Variants in F5 observed in about 807,000 individuals in gnomAD.
F5 encodes activated protein c cofactor.
F5 carries 138 observed loss-of-function variants against 216.4 expected under a neutral mutation model. The ratio of observed to expected loss-of-function variants is 0.64; its 90% confidence interval spans 0.56 to 0.73. F5 has a LOEUF of 0.73. Among genes scored for constraint, F5 ranks in the 30% least tolerant of loss-of-function variants. The probability of loss-of-function intolerance (pLI) is 0.00; values close to 1 mark genes in which losing one functional copy is unlikely to be tolerated. For missense variants in F5, 2,403 were observed against 2,674.0 expected, an observed-to-expected ratio of 0.90 and a Z score of 2.24; for synonymous variants, 916 against 930.7, an observed-to-expected ratio of 0.98 and a Z score of 0.29.
In F5 at chr1:169,529,813, T is replaced by A; in HGVS notation, c.5214A>T (p.Lys1738Asn). ...GACCTATCAAGCCTGAGTGAATATC[T>A]TTTTCCTGGAAAAACAGAGTAAATT... is the stretch of plus-strand genomic sequence containing the variant. Reference protein sequence around the residue: ...WAYYSAVNPEKDIHSGLIGPL... With the variant: ...WAYYSAVNPENDIHSGLIGPL... Residue 1738 changes from lysine to asparagine, a missense_variant, in exon 16 of 25, where the codon AAA (lysine) becomes AAT (asparagine). Transcript: ENST00000367797. 6.2e-7 allele frequency: 1 copy of A among 1,612,634 alleles called. No homozygotes were observed. Among genetic ancestry groups the A allele is most frequent in the South Asian group, 1.1e-5 (1 of 91,040 alleles).
At chr1:169,538,358 A>G (rs1249269227) in intron 13 of F5, among the ~76,000 whole-genome samples, 8 of 152,202 alleles carry the variant, frequency 5.3e-5, no homozygotes, top group Admixed American at 6.5e-5. Context: ...AAAATGGTCA[A>G]AAGATAAAAT....
At chr1:169,518,594 C>T (rs1659216068) in intron 22 of F5, 31 bp from the exon 23 acceptor site, 1 of 1,611,890 alleles carries the variant, frequency 6.2e-7, no homozygotes, top group African/African-American at 1.3e-5. Context: ...TGATTAATTA[C>T]ACACCAATAT....
rs369516642 is a variant in F5, at chr1:169,530,817, C to G, written c.5177G>C (p.Arg1726Pro). Residue 1726 changes from arginine (R) to proline (P), a missense_variant, in exon 15 of 25, where the codon CGG becomes CCG. By Grantham distance (103) the Arg-to-Pro change is moderately radical (BLOSUM62 -2). Coordinates refer to ENST00000367797, the MANE Select transcript of F5 (RefSeq NM_000130.5). ...CACAGCTGAGTAGTAGGCCCAAGCCCGACAGGCAGAGCCAGGACTTTCTGG... is the reference window on the plus strand; with the variant it reads ...CACAGCTGAGTAGTAGGCCCAAGCCGGACAGGCAGAGCCAGGACTTTCTGG... ...SGPESPGSACRAWAYYSAVNP... is the reference protein window; with the variant it reads ...SGPESPGSACPAWAYYSAVNP... 2 of 1,613,858 alleles carry G rather than the reference C, an allele frequency of 1.2e-6. No individual in the cohort carries two copies. The highest frequency in any genetic ancestry group is 1.7e-6 in the Non-Finnish European group (2 of 1,179,796).
chr1:169,570,795 C>T (rs1660704457), intron 3 of F5, among the ~76,000 whole-genome samples: 1 of 152,058 alleles, frequency 6.6e-6, no homozygotes, highest in African/African-American at 2.4e-5. Flanking sequence ...ACTATCATGG[C>T]TAATATTTAT....
intron 3 of F5, among the ~76,000 whole-genome samples, chr1:169,567,281 C>T (rs1660624672): frequency 6.6e-6 from 1 of 151,874 alleles, no homozygotes; most frequent in Admixed American, 6.6e-5. Context: ...ATACCTAATG[C>T]TAGATGACGA....
chr1:169,535,402 T>A (rs1201816645), intron 14 of F5, among the ~76,000 whole-genome samples: 1 of 152,216 alleles, frequency 6.6e-6, no homozygotes, highest in Admixed American at 6.5e-5. Flanking sequence ...TTAAAAAACT[T>A]CAGTTGCTTT....
intron 23 of F5, 152 bp from the exon 24 acceptor site, chr1:169,515,778 T>C (rs1198812796): frequency 4.3e-6 from 3 of 690,948 alleles, no homozygotes; most frequent in African/African-American, 3.6e-5. Flanking sequence ...TTTCCCTCTT[T>C]CTTCTTCATT....
rs1252220219 is a variant in F5 at position 169,555,264 on chromosome 1, G to T, written c.1036C>A (p.His346Asn). Residue 346 changes from histidine (H) to asparagine (N), a missense_variant, in exon 7 of 25, where the codon CAC becomes AAC. This residue lies in a region of F5 where 1,425 missense variants were observed against 1,554.8 expected (regional missense o/e 0.92). Coordinates refer to ENST00000367797, the MANE Select transcript of F5 (RefSeq NM_000130.5). Reference protein sequence around the residue: ...LKKITREQRRHMKRWEYFIAA... With the variant: ...LKKITREQRRNMKRWEYFIAA... ...ATGAAGTATTCCCACCTCTTCATGT[G>T]CCGCCTCTGCTCACGAGTTATTTTC... is the stretch of plus-strand genomic sequence containing the variant. 4 of 1,614,014 alleles carry T rather than the reference G, an allele frequency of 2.5e-6. No individual in the cohort carries two copies. In the South Asian group the frequency reaches 4.4e-5, roughly 18 times the overall value.
rs539022753 is a variant in F5, at chr1:169,562,868, T to C, written c.374-2102A>G. 3.9e-5 allele frequency among the ~76,000 whole-genome samples: 6 copies of C among 152,114 alleles called. No individual in the cohort carries two copies. The East Asian group carries it at 1.2e-3, about 29-fold the overall frequency. On this transcript the variant is annotated intron_variant, in intron 3 of 24. Coordinates refer to ENST00000367797, the MANE Select transcript of F5 (RefSeq NM_000130.5). ...ATAATCAATTGCCTTTTTAATAGAT[T>C]AAAACGAGGAAAAAATTTCTCTATA...
chr1:169,578,703 C>A (rs973860992), intron 2 of F5, among the ~76,000 whole-genome samples: 1 of 152,152 alleles, frequency 6.6e-6, no homozygotes, highest in African/African-American at 2.4e-5. Flanking sequence ...GGAGCTGGAG[C>A]TATGAAAATG....
Position 169,564,169 on chromosome 1 carries a change from C to T in F5, c.374-3403G>A, listed in dbSNP as rs141129349. Among the ~76,000 whole-genome samples the T allele has an allele frequency of 3.8e-3, 581 of 152,134 alleles. 5 individuals carry two copies. The highest frequency in any genetic ancestry group is 0.024 in the Middle Eastern group (7 of 294). On this transcript the variant is annotated intron_variant, in intron 3 of 24. Transcript: ENST00000367797. ...TGATGGTAGGAACATAAACGATTAC[C>T]GGCCCTGAGTAAGGTCCAGGGACTG...
At chr1:169,554,810 A>G (rs1242707643) in intron 7 of F5, among the ~76,000 whole-genome samples, 1 of 152,230 alleles carries the variant, frequency 6.6e-6, no homozygotes, top group Non-Finnish European at 1.5e-5. Context: ...GTAACTTTTC[A>G]AGGGTTTAAG....
At chr1:169,529,465 G>A in intron 16 of F5, 143 bp downstream of exon 16, 1 of 750,592 alleles carries the variant, frequency 1.3e-6, no homozygotes, top group Non-Finnish European at 2.3e-6. Context: ...CAGCCCTCTG[G>A]AATGTTAAGG....
intron 2 of F5, among the ~76,000 whole-genome samples, chr1:169,577,560 A>AATATATATATATATATATAT (rs3035292): frequency 1.1e-3 from 62 of 54,446 alleles, no homozygotes; most frequent in Non-Finnish European, 1.6e-3. Flanking sequence ...GGCTAATTTA[A>AATATATATATATATATATAT]ATATATATAT....
At chr1:169,538,306 A>G (rs960798221) in intron 13 of F5, among the ~76,000 whole-genome samples, 2 of 152,210 alleles carry the variant, frequency 1.3e-5, no homozygotes, top group Non-Finnish European at 2.9e-5. Context: ...AGCAGAAGGT[A>G]GAACAGTGGT....
At chr1:169,515,663 G>T in intron 23 of F5, 37 bp from the exon 24 acceptor site, 1 of 1,601,966 alleles carries the variant, frequency 6.2e-7, no homozygotes, top group Non-Finnish European at 8.5e-7. Flanking sequence ...TAAGGAAGAT[G>T]TTAAAACCTT....
rs114536873 is a variant in F5, at chr1:169,543,892, C to T, written c.1975+404G>A. ...GATCAGGACTTGCATTCCAGTCTGACAAACTCCAAAGCTGTTGCTGAAGCA... is the reference window on the plus strand; with the variant it reads ...GATCAGGACTTGCATTCCAGTCTGATAAACTCCAAAGCTGTTGCTGAAGCA... On this transcript the variant is annotated intron_variant, in intron 12 of 24. Transcript: ENST00000367797. Among the ~76,000 whole-genome samples the T allele has an allele frequency of 6.3e-4, 96 of 152,294 alleles. 1 individual carries two copies. The highest frequency in any genetic ancestry group is 2.3e-3 in the African/African-American group (95 of 41,552).
intron 1 of F5, among the ~76,000 whole-genome samples, chr1:169,583,817 C>T (rs538241124): frequency 2.6e-5 from 4 of 152,190 alleles, no homozygotes; most frequent in East Asian, 3.9e-4. Flanking sequence ...AAAGGAGGCA[C>T]GTAAGTACTT....
intron 2 of F5, among the ~76,000 whole-genome samples, chr1:169,581,068 G>C (rs1014413243): frequency 6.6e-6 from 1 of 152,182 alleles, no homozygotes; most frequent in African/African-American, 2.4e-5. Context: ...TGGGTAGGTA[G>C]TAGTGAAAGC....
Sources: allele counts gnomAD v4.1 joint callset (sites outside exome capture counted in the v4.1 genomes callset), GRCh38; gene constraint gnomAD v4.1.1; regional missense constraint gnomAD v4.1.1; transcripts MANE v1.5; gene names NCBI Gene and HGNC (gene_info 2026-07-23, HGNC 2026-07-21).